Variants in TRPM1 observed in about 807,000 individuals in gnomAD.
TRPM1 encodes transient receptor potential cation channel subfamily M member 1, also known as TRPM1-203 APA Isoform, Intron 10.
TRPM1 carries 113 observed loss-of-function variants against 149.4 expected under a neutral mutation model. That is an observed-to-expected ratio of 0.76 (90% CI 0.65 to 0.88). The LOEUF (loss-of-function observed/expected upper bound fraction) is 0.88. TRPM1 is among the 40% of genes least tolerant of loss of function. TRPM1 has a pLI of 0.00. For missense variants in TRPM1, 1,976 were observed against 2,038.7 expected, an observed-to-expected ratio of 0.97 and a Z score of 0.59; for synonymous variants, 741 against 759.5, an observed-to-expected ratio of 0.98 and a Z score of 0.40.
intron 1 of TRPM1, among the ~76,000 whole-genome samples, chr15:31,160,683 A>G (rs1279330938): frequency 6.6e-6 from 1 of 152,226 alleles, no homozygotes; most frequent in Non-Finnish European, 1.5e-5. Context: ...GGTGGGAGCA[A>G]CTGAGACCAC....
chr15:31,101,734 G>T, upstream of TRPM1: 2 of 985,922 alleles, frequency 2.0e-6, no homozygotes, highest in African/African-American at 3.5e-5. Context: ...GGAGCTGGGT[G>T]AGGAGGGCCC....
At chr15:31,069,727 T>A in intron 4 of TRPM1, 1 of 1,425,900 alleles carries the variant, frequency 7.0e-7, no homozygotes, top group Non-Finnish European at 9.1e-7. Context: ...TGAATTTGTC[T>A]TCCTTTACTG....
chr15:31,002,839 A>G lies in TRPM1; in HGVS notation c.3861T>C (p.Asn1287=), dbSNP rs528390540. The G allele has an allele frequency of 6.2e-7, 1 of 1,614,226 alleles. No individual in the cohort carries two copies. Among genetic ancestry groups the G allele is most frequent in the East Asian group, 2.2e-5 (1 of 44,890 alleles). Residue 1287 remains asparagine, a synonymous_variant, in exon 28 of 28, where the codon AAT becomes AAC. Coordinates refer to ENST00000256552, the MANE Select transcript of TRPM1 (RefSeq NM_001252024.2). ...ATYLLRQSSI[N]SADGYSLYRY... is the part of the protein sequence containing the mutation. ...GATACAAGCTGTAGCCATCAGCGCT[A>G]TTGATGCTGCTTTGCCGGAGAAGAT...
chr15:31,065,212 G>A (rs537475473), intron 7 of TRPM1: 5 of 507,014 alleles, frequency 9.9e-6, no homozygotes, highest in Admixed American at 4.1e-5. Flanking sequence ...TTCAGTCATC[G>A]ACCAATGTAT....
At chr15:31,071,542 A>G (rs1243699816) in intron 3 of TRPM1, among the ~76,000 whole-genome samples, 1 of 149,436 alleles carries the variant, frequency 6.7e-6, no homozygotes, top group Non-Finnish European at 1.5e-5. Flanking sequence ...TCGCTTCCCC[A>G]TTCTCTCCCT....
chr15:31,044,775 C>A, intron 16 of TRPM1, among the ~76,000 whole-genome samples: 1 of 116,244 alleles, frequency 8.6e-6, no homozygotes. Context: ...AGTGAGACTC[C>A]TACTCAAAAA....
At position 31,003,448 on chromosome 15, in the gene TRPM1, A is replaced by T. The variant is rs545634912; in HGVS notation, c.3630-378T>A. 2.1e-4 allele frequency among the ~76,000 whole-genome samples: 32 copies of T among 152,310 alleles called. 1 individual carries two copies. In the South Asian group the frequency reaches 6.2e-3, roughly 30 times the overall value. On this transcript the variant is annotated intron_variant, in intron 27 of 27. Coordinates refer to ENST00000256552, the MANE Select transcript of TRPM1 (RefSeq NM_001252024.2). ...AGGAAATTAAGTCATGGAGCGTATA[A>T]GTAATTTCCCCAAAGGTAGGAAGCA...
At chr15:31,117,651 G>GA (rs3080917) in intron 1 of TRPM1, among the ~76,000 whole-genome samples, 1,564 of 131,292 alleles carry the variant, frequency 0.012, 8 homozygotes, top group Non-Finnish European at 0.019. Flanking sequence ...CTGTCTCAAA[G>GA]AAAAAAAAAA....
At chr15:31,017,781 A>G (rs867892862) in intron 27 of TRPM1, among the ~76,000 whole-genome samples, 5 of 152,342 alleles carry the variant, frequency 3.3e-5, no homozygotes, top group Middle Eastern at 3.4e-3. Flanking sequence ...GGTTGTACAT[A>G]ATGTGTTCTG....
Position 31,101,669 on chromosome 15 carries a change from T to C in TRPM1, c.-96A>G. 1 of 985,700 alleles carries C rather than the reference T, an allele frequency of 1.0e-6. No homozygotes were observed. Among genetic ancestry groups the C allele is most frequent in the South Asian group, 4.7e-5 (1 of 21,282 alleles). 61.1% of individuals were successfully genotyped at this position (985,700 alleles called of 1,614,324 possible). ...CATCTGAGCTTACCTGCCACAGCAGTGGAATGGAGAGGGCACAGCTCAGGC... is the reference window on the plus strand; with the variant it reads ...CATCTGAGCTTACCTGCCACAGCAGCGGAATGGAGAGGGCACAGCTCAGGC... On this transcript the variant is annotated 5_prime_UTR_variant, in exon 1 of 28. Coordinates refer to ENST00000256552, the MANE Select transcript of TRPM1 (RefSeq NM_001252024.2).
rs544684726 is a variant in TRPM1, at chr15:31,115,978, C to T, written c.55-38994G>A. ...TGGTGGAAGGAGCGAGATAGCTCTC[C>T]GGGGCCTCTTTTATGAGGGCACTAA... On this transcript the variant is annotated intron_variant, in intron 1 of 26. Coordinates refer to the TRPM1 transcript ENST00000542188. 2.6e-5 allele frequency among the ~76,000 whole-genome samples: 4 copies of T among 152,036 alleles called. No individual in the cohort carries two copies. In the East Asian group the frequency reaches 7.8e-4, roughly 30 times the overall value.
intron 1 of TRPM1, among the ~76,000 whole-genome samples, chr15:31,160,191 C>T (rs2036427266): frequency 1.3e-5 from 2 of 152,296 alleles, no homozygotes; most frequent in South Asian, 4.1e-4. Flanking sequence ...GCCCAGTCTC[C>T]TTGGGCTCAA....
chr15:31,152,659 G>A (rs1372134349), intron 1 of TRPM1, among the ~76,000 whole-genome samples: 1 of 152,182 alleles, frequency 6.6e-6, no homozygotes, highest in Non-Finnish European at 1.5e-5. Context: ...CTACGTGTGT[G>A]TGAGACAGGG....
At chr15:31,050,288 A>G (rs983180531) in intron 12 of TRPM1, 121 bp downstream of exon 12, 6 of 1,426,706 alleles carry the variant, frequency 4.2e-6, no homozygotes, top group Non-Finnish European at 5.9e-6. Context: ...TACCCAGTCA[A>G]GCCTTTACCC....
chr15:31,047,938 C>G lies in TRPM1; in HGVS notation c.1574G>C (p.Arg525Thr). The G allele has an allele frequency of 6.2e-7, 1 of 1,613,882 alleles. No homozygotes were observed. The highest frequency in any genetic ancestry group is 1.1e-5 in the South Asian group (1 of 91,084). ...IPRLEELYNT[R>T]LGPPNTLHLL... is the part of the protein sequence containing the mutation. ...ATGAAGTGTGTTTGGTGGACCCAGT[C>G]TCTGAAAGAGAAGCATTCATGTGTG... Residue 525 changes from arginine to threonine, a missense_variant and splice_region_variant, in exon 14 of 28, where the codon AGA (arginine) becomes ACA (threonine). Coordinates refer to ENST00000256552, the MANE Select transcript of TRPM1 (RefSeq NM_001252024.2).
intron 1 of TRPM1, among the ~76,000 whole-genome samples, chr15:31,101,107 T>C (rs2035505233): frequency 6.6e-6 from 1 of 152,174 alleles, no homozygotes; most frequent in African/African-American, 2.4e-5. Flanking sequence ...GGCTTACAAG[T>C]ATAAACCCTG....
In TRPM1 at chr15:31,032,747, A is replaced by G. The variant is rs2033148382; in HGVS notation, c.2894T>C (p.Leu965Pro). 2.5e-6 allele frequency: 4 copies of G among 1,614,120 alleles called. No individual in the cohort carries two copies. Among genetic ancestry groups the G allele is most frequent in the African/African-American group, 1.3e-5 (1 of 74,938 alleles). ...ATACTTGTTGACACCAAAGATGTCC[A>G]GGACACGGATGTACCAGAAGATGAT... ...VDIIFWYIRV[L>P]DIFGVNKYLG... Residue 965 changes from leucine (L) to proline (P), a missense_variant, in exon 22 of 28, where the codon CTG becomes CCG. Transcript: ENST00000256552.
intron 27 of TRPM1, among the ~76,000 whole-genome samples, chr15:31,017,182 T>C (rs865900106): frequency 6.6e-6 from 1 of 152,084 alleles, no homozygotes; most frequent in South Asian, 2.1e-4. Flanking sequence ...GGCGTGCGTC[T>C]GTAGTCCCAG....
intron 11 of TRPM1, among the ~76,000 whole-genome samples, chr15:31,058,088 A>G (rs988892657): frequency 2.0e-5 from 3 of 152,196 alleles, no homozygotes; most frequent in Non-Finnish European, 2.9e-5. Flanking sequence ...ACGGACTAGT[A>G]TAAGCCTCAA....
Sources: allele counts gnomAD v4.1 joint callset (sites outside exome capture counted in the v4.1 genomes callset), GRCh38; gene constraint gnomAD v4.1.1; transcripts MANE v1.5; gene names NCBI Gene and HGNC (gene_info 2026-07-23, HGNC 2026-07-21).